The following GPR143 variants were observed in gnomAD, a reference collection of about 807,000 sequenced individuals.
GPR143 encodes G protein-coupled receptor 143, also known as G-protein coupled receptor 143.
Under a neutral mutation model 27.6 loss-of-function variants are expected in GPR143, and 8 were observed. The ratio of observed to expected loss-of-function variants is 0.29; its 90% CI spans 0.17 to 0.52. The LOEUF (loss-of-function observed/expected upper bound fraction) is 0.52. Among genes scored for constraint, GPR143 ranks in the 20% least tolerant of loss-of-function variants. The pLI is 0.96. For synonymous variants in GPR143, 156 were observed against 153.2 expected (o/e 1.02, Z -0.13); for missense variants, 303 against 343.1 (o/e 0.88, Z 0.92).
chrX:9,757,172 C>T (rs989556387), intron 3 of GPR143, among the ~76,000 whole-genome samples: 1 of 112,113 alleles, frequency 8.9e-6, no homozygotes, highest in African/African-American at 3.2e-5. Context: ...GCTGGGAGTC[C>T]AAGATCAAGG....
chrX:9,742,750 C>T (rs1212076263), intron 6 of GPR143, among the ~76,000 whole-genome samples: 1 of 111,851 alleles, frequency 8.9e-6, no homozygotes, highest in Non-Finnish European at 1.9e-5. Context: ...CAAAGACGTG[C>T]CCTTGCCCCT....
chrX:9,739,664 G>A lies in GPR143; in HGVS notation c.941C>T (p.Thr314Ile). Residue 314 changes from threonine (T) to isoleucine (I), a missense_variant, in exon 8 of 9, where the codon ACA becomes ATA. Coordinates refer to ENST00000467482, the MANE Select transcript of GPR143 (RefSeq NM_000273.3). Reference sequence around the variant, plus strand: ...AGACTGAAAACCCAGGCTGCATCCTGTCCAGCCGTAGAAGGCCAAAGACAA... The same window carrying A: ...AGACTGAAAACCCAGGCTGCATCCTATCCAGCCGTAGAAGGCCAAAGACAA... The part of the protein sequence containing the change: ...FLLSLAFYGW[T>I]GCSLGFQSPR... 1 of 1,196,028 alleles carries A rather than the reference G, an allele frequency of 8.4e-7. No individual in the cohort carries two copies. Among genetic ancestry groups the A allele is most frequent in the Admixed American group, 2.3e-5 (1 of 44,056 alleles).
chrX:9,746,229 A>C, intron 4 of GPR143, 76 bp from the exon 5 acceptor site: 1 of 598,520 alleles, frequency 1.7e-6, no homozygotes, highest in Non-Finnish European at 2.9e-6. Context: ...TCTGGAAGTC[A>C]AGATAAGAGG....
At chrX:9,756,025 C>G (rs1301012306) in intron 3 of GPR143, among the ~76,000 whole-genome samples, 1 of 111,678 alleles carries the variant, frequency 9.0e-6, no homozygotes, top group Admixed American at 9.6e-5. Flanking sequence ...AAGCACTAAA[C>G]TTCAGGCCAG....
intron 1 of GPR143, among the ~76,000 whole-genome samples, chrX:9,765,183 G>A (rs1034266820): frequency 1.8e-5 from 2 of 112,362 alleles, no homozygotes; most frequent in African/African-American, 3.2e-5. Flanking sequence ...CGAGTGGATC[G>A]AGTTCCAACC....
intron 5 of GPR143, among the ~76,000 whole-genome samples, chrX:9,745,830 C>T (rs1004236365): frequency 3.6e-5 from 4 of 112,269 alleles, no homozygotes; most frequent in Non-Finnish European, 7.5e-5. Flanking sequence ...AGCTAACAAA[C>T]GATGGTACAG....
intron 7 of GPR143, 126 bp from the exon 8 acceptor site, chrX:9,739,845 C>T: frequency 1.9e-6 from 1 of 533,146 alleles, no homozygotes; most frequent in Non-Finnish European, 3.3e-6. Context: ...TGGAAGGGAC[C>T]ATGGGTTGGC....
At chrX:9,747,867 G>T (rs958837621) in intron 4 of GPR143, 2 of 112,172 alleles carry the variant, frequency 1.8e-5, no homozygotes, top group African/African-American at 3.2e-5. Context: ...ACGGAAGAAC[G>T]CCGGATTTGT....
intron 2 of GPR143, 35 bp downstream of exon 2, chrX:9,760,682 A>T (rs1360061180): frequency 2.8e-6 from 2 of 727,168 alleles, no homozygotes; most frequent in Non-Finnish European, 4.3e-6. Flanking sequence ...GAGCATAAGT[A>T]GGGAGGAGAG....
intron 8 of GPR143, among the ~76,000 whole-genome samples, chrX:9,729,005 C>G (rs967841716): frequency 9.0e-6 from 1 of 110,787 alleles, no homozygotes; most frequent in African/African-American, 3.3e-5. Context: ...GCTTGAAGGG[C>G]AGGTAAAGGG....
chrX:9,725,915 G>C, intron 8 of GPR143, 75 bp from the exon 9 acceptor site: 1 of 982,927 alleles, frequency 1.0e-6, no homozygotes, highest in Non-Finnish European at 1.3e-6. Flanking sequence ...AAAATGCTCA[G>C]TATTCAGTGC....
intron 2 of GPR143, among the ~76,000 whole-genome samples, chrX:9,760,346 C>A (rs923220739): frequency 8.9e-6 from 1 of 112,165 alleles, no homozygotes; most frequent in African/African-American, 3.2e-5. Flanking sequence ...CCTGCCTTGG[C>A]CTCCCAAAGT....
At chrX:9,733,785 A>G (rs1045863915) in intron 8 of GPR143, among the ~76,000 whole-genome samples, 1 of 111,435 alleles carries the variant, frequency 9.0e-6, no homozygotes, top group African/African-American at 3.3e-5. Flanking sequence ...GTGGTAGAAA[A>G]TAGATTATAG....
Position 9,725,545 on chromosome X carries a change from TC to T in GPR143, c.*200del, listed in dbSNP as rs2083321326. 1 of 412,333 alleles carries T rather than the reference TC, an allele frequency of 2.4e-6. No homozygotes were observed. The allele number at this position is 412,333 out of a possible 1,213,427, so 34.0% of individuals were successfully genotyped here. A position where few individuals can be genotyped will look rare whatever the true frequency, so the allele number is the denominator to read the frequency against. ...TGTAGAGTGGTCTGGAGGGGGCTCT[TC>T]CATTCTCACACGTGTGTGCATGAAC... On this transcript the variant is annotated 3_prime_UTR_variant, in exon 9 of 9. Coordinates refer to ENST00000467482, the MANE Select transcript of GPR143 (RefSeq NM_000273.3).
chrX:9,759,510 C>T, intron 2 of GPR143, 84 bp from the exon 3 acceptor site: 2 of 629,168 alleles, frequency 3.2e-6, no homozygotes, highest in South Asian at 2.4e-5. Flanking sequence ...AGGGTAGACA[C>T]TGGCTTCCTC....
At chrX:9,762,336 G>A (rs932288835) in intron 1 of GPR143, among the ~76,000 whole-genome samples, 1 of 109,889 alleles carries the variant, frequency 9.1e-6, no homozygotes, top group Non-Finnish European at 1.9e-5. Context: ...GTTGCAGTGA[G>A]CCAAGACTGT....
At chrX:9,759,562 T>C in intron 2 of GPR143, 136 bp from the exon 3 acceptor site, 1 of 515,850 alleles carries the variant, frequency 1.9e-6, no homozygotes, top group South Asian at 2.5e-5. Flanking sequence ...GGGACACAAG[T>C]GGGCACAGTT....
rs746690710 is a variant in GPR143, at chrX:9,752,806, A to C, written c.456-4140T>G. The stretch of plus-strand genomic sequence containing the variant: ...GGTTGCAGTGAGCTGTGATCATGCC[A>C]CTGCCCTCCAGCCTAGATGACAGAG... On this transcript the variant is annotated intron_variant, in intron 3 of 8. Coordinates refer to ENST00000467482, the MANE Select transcript of GPR143 (RefSeq NM_000273.3). Among the ~76,000 whole-genome samples the C allele has an allele frequency of 4.5e-5, 5 of 110,851 alleles. No homozygotes were observed. In the South Asian group the frequency reaches 1.9e-3, roughly 43 times the overall value.
chrX:9,757,670 G>A (rs535300886), intron 3 of GPR143, among the ~76,000 whole-genome samples: 5 of 111,457 alleles, frequency 4.5e-5, no homozygotes, highest in Middle Eastern at 9.3e-3. Context: ...CATCGATAAC[G>A]GTGATGGTTA....
Sources: gnomAD v4.1 joint callset for allele counts (sites outside exome capture counted in the v4.1 genomes callset) on GRCh38, gnomAD v4.1.1 for gene constraint, MANE v1.5 for transcripts, NCBI Gene and HGNC (gene_info 2026-07-23, HGNC 2026-07-21) for gene names.